Variants in TTR observed in about 807,000 individuals in gnomAD.
TTR encodes transthyretin.
Under a neutral mutation model 13.7 loss-of-function variants are expected in TTR, and 8 were observed. The observed-to-expected ratio is 0.58, with a 90% CI of 0.34 to 1.05. The LOEUF is 1.05. TTR is among the 50% of genes least tolerant of loss of function. The pLI is 0.02. For synonymous variants in TTR, 75 were observed against 71.7 expected, an observed-to-expected ratio of 1.05 and a Z score of -0.23; for missense variants, 135 against 185.5, an observed-to-expected ratio of 0.73 and a Z score of 1.58.
rs190191117 is a variant in TTR at position 31,594,858 on chromosome 18, C to T, written c.201-262C>T. Among the ~76,000 whole-genome samples the T allele has an allele frequency of 2.9e-4, 44 of 151,000 alleles. No homozygotes were observed. The East Asian group carries it at 8.0e-3, about 27-fold the overall frequency. ...CAGCCTGGGTGACAAGAGTAAAACT[C>T]TGTCTCAAAAAAAAAAAATTATACC... is the stretch of plus-strand genomic sequence containing the variant. On this transcript the variant is annotated intron_variant, in intron 2 of 3. Transcript: ENST00000237014.
Position 31,592,946 on chromosome 18 carries a change from C to T in TTR, c.120C>T (p.Val40=). 6.2e-7 allele frequency: 1 copy of T among 1,614,120 alleles called. No individual in the cohort carries two copies. The highest frequency in any genetic ancestry group is 8.5e-7 in the Non-Finnish European group (1 of 1,179,980). ...TGATGGTCAAAGTTCTAGATGCTGTCCGAGGCAGTCCTGCCATCAATGTGG... is the reference window on the plus strand; with the variant it reads ...TGATGGTCAAAGTTCTAGATGCTGTTCGAGGCAGTCCTGCCATCAATGTGG... ...CPLMVKVLDA[V]RGSPAINVAV... is the part of the protein sequence containing the mutation. The change falls in exon 2 of 4, where the codon GTC becomes GTT. Residue 40 remains valine (V), a synonymous_variant. Transcript: ENST00000237014.
intron 1 of TTR, 127 bp from the exon 2 acceptor site, chr18:31,592,769 C>T (rs2073492182): frequency 1.0e-5 from 13 of 1,282,848 alleles, no homozygotes; most frequent in Admixed American, 5.6e-5. Context: ...ATTGTCGACA[C>T]TTACGTTCCT....
At chr18:31,595,976 G>C (rs1046329052) in intron 3 of TTR, 1 of 161,036 alleles carries the variant, frequency 6.2e-6, no homozygotes, top group Admixed American at 6.0e-5. Context: ...CCTCAGTTCT[G>C]CTATGCCTCG....
At chr18:31,595,325 G>A in intron 3 of TTR, 70 bp downstream of exon 3, 1 of 1,594,012 alleles carries the variant, frequency 6.3e-7, no homozygotes, top group Non-Finnish European at 8.6e-7. Context: ...GAAATGCACA[G>A]TTTTACTCAG....
chr18:31,597,298 C>T (rs1221263800), intron 3 of TTR: 1 of 152,224 alleles, frequency 6.6e-6, no homozygotes, highest in African/African-American at 2.4e-5. Context: ...CCTGTCTCAG[C>T]CTCCCAAAGT....
chr18:31,598,499 A>T, intron 3 of TTR, 69 bp from the exon 4 acceptor site: 1 of 1,456,744 alleles, frequency 6.9e-7, no homozygotes, highest in Non-Finnish European at 9.6e-7. Flanking sequence ...TCCGGTGGTC[A>T]GTCATGTGTG....
intron 3 of TTR, chr18:31,596,152 A>G (rs2073515591): frequency 6.5e-6 from 1 of 154,512 alleles, no homozygotes; most frequent in Non-Finnish European, 1.5e-5. Flanking sequence ...CATTTGAAAC[A>G]GATGGCTGTC....
chr18:31,592,388 G>GGCTT (rs1170090286), intron 1 of TTR, among the ~76,000 whole-genome samples: 1 of 152,158 alleles, frequency 6.6e-6, no homozygotes, highest in Non-Finnish European at 1.5e-5. Flanking sequence ...ATCTTTAAAA[G>GGCTT]GCTTAGTGAA....
At chr18:31,592,783 A>G in intron 1 of TTR, 113 bp from the exon 2 acceptor site, 1 of 1,391,996 alleles carries the variant, frequency 7.2e-7, no homozygotes, top group Non-Finnish European at 1.0e-6. Flanking sequence ...CGTTCCTGAT[A>G]ATGGGATCAG....
chr18:31,594,249 C>G (rs1450192578), intron 2 of TTR, among the ~76,000 whole-genome samples: 1 of 152,180 alleles, frequency 6.6e-6, no homozygotes, highest in Non-Finnish European at 1.5e-5. Context: ...AAATGGGAAG[C>G]AATTTCCAAC....
At chr18:31,595,589 T>C (rs892342337) in intron 3 of TTR, 39 of 399,910 alleles carry the variant, frequency 9.8e-5, no homozygotes, top group South Asian at 5.2e-4. Flanking sequence ...AGAGTGTATG[T>C]AACAAGAGAT....
At chr18:31,598,128 T>A (rs1345765535) in intron 3 of TTR, 1 of 324,798 alleles carries the variant, frequency 3.1e-6, no homozygotes, top group Non-Finnish European at 6.0e-6. Flanking sequence ...GGTTTGCTCA[T>A]CTGTAAATTG....
chr18:31,596,527 C>T (rs2073517479), intron 3 of TTR, among the ~76,000 whole-genome samples: 1 of 152,158 alleles, frequency 6.6e-6, no homozygotes, highest in Non-Finnish European at 1.5e-5. Flanking sequence ...CTACCTGAGA[C>T]TGTTGTTTGC....
rs730881172 is a variant in TTR, at chr18:31,591,954, T to G, written c.52T>G (p.Ser18Ala). ...LLCLAGLVFV[S>A]EAGPTGTGES... is the part of the protein sequence containing the mutation. Reference sequence around the variant, plus strand: ...CTGCCTTGCTGGACTGGTATTTGTGTCTGAGGCTGGCCCTACGGTGAGTGT... The same window carrying G: ...CTGCCTTGCTGGACTGGTATTTGTGGCTGAGGCTGGCCCTACGGTGAGTGT... Residue 18 changes from serine to alanine, a missense_variant, in exon 1 of 4, where the codon TCT (serine) becomes GCT (alanine). Physicochemically the swap from Ser to Ala is moderately conservative, Grantham distance 99. Transcript: ENST00000237014. 1.9e-6 allele frequency: 3 copies of G among 1,614,188 alleles called. No individual in the cohort carries two copies. Among genetic ancestry groups the G allele is most frequent in the South Asian group, 2.2e-5 (2 of 91,086 alleles).
chr18:31,593,313 T>C (rs536567960), intron 2 of TTR: 1 of 373,670 alleles, frequency 2.7e-6, no homozygotes, highest in South Asian at 2.4e-5. Context: ...CAGAACACTT[T>C]ATGTAGGTGA....
chr18:31,596,791 A>G (rs1458217716), intron 3 of TTR, among the ~76,000 whole-genome samples: 2 of 152,234 alleles, frequency 1.3e-5, no homozygotes, highest in Non-Finnish European at 2.9e-5. Flanking sequence ...AGACAGATTA[A>G]GCAGGACCGT....
rs779619795 is a variant in TTR, at chr18:31,592,940, T to C, written c.114T>C (p.Asp38=). The change falls in exon 2 of 4, where the codon GAT becomes GAC. Residue 38 remains aspartate, a synonymous_variant. Transcript: ENST00000237014. ...SKCPLMVKVL[D]AVRGSPAINV... is the part of the protein sequence containing the mutation. ...GTCCTCTGATGGTCAAAGTTCTAGATGCTGTCCGAGGCAGTCCTGCCATCA... is the reference window on the plus strand; with the variant it reads ...GTCCTCTGATGGTCAAAGTTCTAGACGCTGTCCGAGGCAGTCCTGCCATCA... 3.1e-6 allele frequency: 5 copies of C among 1,614,120 alleles called. No homozygotes were observed. The highest frequency in any genetic ancestry group is 4.2e-6 in the Non-Finnish European group (5 of 1,179,972).
Position 31,598,477 on chromosome 18 carries a change from T to C in TTR, c.337-91T>C, listed in dbSNP as rs79483763. On this transcript the variant is annotated intron_variant, in intron 3 of 3. Transcript: ENST00000237014. ...TATAAAAGAATAAAATTAATTAAGTTGGCACTGGACTTCCGGTGGTCAGTC... is the reference window on the plus strand; with the variant it reads ...TATAAAAGAATAAAATTAATTAAGTCGGCACTGGACTTCCGGTGGTCAGTC... The C allele has an allele frequency of 3.3e-3, 3,958 of 1,196,072 alleles. 90 individuals carry two copies. The African/African-American group carries it at 0.046, about 14-fold the overall frequency. The allele number at this position is 1,196,072 out of a possible 1,614,324, so 74.1% of individuals were successfully genotyped here.
rs191045778 is a variant in TTR, at chr18:31,591,993, C to G, written c.69+22C>G. The G allele has an allele frequency of 5.5e-4, 883 of 1,613,082 alleles. 8 individuals carry two copies. The East Asian group carries it at 0.019, about 35-fold the overall frequency. Reference sequence around the variant, plus strand: ...TACGGTGAGTGTTTCTGTGACATCCCATTCCTACATTTAAGATTCACGCTA... The same window carrying G: ...TACGGTGAGTGTTTCTGTGACATCCGATTCCTACATTTAAGATTCACGCTA... On this transcript the variant is annotated intron_variant, in intron 1 of 3. Transcript: ENST00000237014.
Sources: allele counts gnomAD v4.1 joint callset (sites outside exome capture counted in the v4.1 genomes callset), GRCh38; gene constraint gnomAD v4.1.1; transcripts MANE v1.5; gene names NCBI Gene and HGNC (gene_info 2026-07-23, HGNC 2026-07-21).